The following DCC variants were observed in gnomAD, a reference collection of about 807,000 sequenced individuals.
The protein encoded by DCC is netrin receptor DCC.
In DCC, 58 loss-of-function variants were observed where a neutral mutation model predicts 172.5. That is an observed-to-expected ratio of 0.34 (90% CI 0.27 to 0.42). The LOEUF (loss-of-function observed/expected upper bound fraction) is 0.42. Ranked by LOEUF, DCC falls within the 10% of genes least tolerant of loss-of-function variation. The pLI, the probability that DCC is intolerant of heterozygous loss-of-function variation, is 1.00. For missense variants in DCC, 1,740 were observed against 1,791.0 expected (o/e 0.97, Z 0.51); for synonymous variants, 709 against 644.5 (o/e 1.10, Z -1.52).
chr18:53,076,458 C>A (rs974797549), intron 7 of DCC, among the ~76,000 whole-genome samples: 1 of 152,176 alleles, frequency 6.6e-6, no homozygotes, highest in Non-Finnish European at 1.5e-5. Context: ...AGCCTGGCTC[C>A]TTAATTCCAC....
intron 1 of DCC, among the ~76,000 whole-genome samples, chr18:52,543,423 T>C (rs2032521595): frequency 6.6e-6 from 1 of 152,220 alleles, no homozygotes; most frequent in Admixed American, 6.5e-5. Flanking sequence ...CATAGCTACT[T>C]GTGTCTAATT....
At chr18:52,503,553 A>G (rs16955105) in intron 1 of DCC, among the ~76,000 whole-genome samples, 8,717 of 152,198 alleles carry the variant, frequency 0.057, 306 homozygotes, top group South Asian at 0.12. Context: ...AGTTCAGCAT[A>G]TTTTGTGTTC....
chr18:53,362,113 TAC>T (rs2057954270), intron 15 of DCC, among the ~76,000 whole-genome samples: 1 of 152,194 alleles, frequency 6.6e-6, no homozygotes, highest in South Asian at 2.1e-4. Flanking sequence ...TCTCAACTGT[TAC>T]TTTCTATTTT....
Position 52,835,739 on chromosome 18 carries a change from A to C in DCC, c.413-70305A>C, listed in dbSNP as rs916883168. ...ATTTCCATTCCTTTAAATGAATTCAAAACTGATTTTTAATGAAAATGATTC... is the reference window on the plus strand; with the variant it reads ...ATTTCCATTCCTTTAAATGAATTCACAACTGATTTTTAATGAAAATGATTC... On this transcript the variant is annotated intron_variant, in intron 2 of 28. Coordinates refer to ENST00000442544, the MANE Select transcript of DCC (RefSeq NM_005215.4). Among the ~76,000 whole-genome samples the C allele has an allele frequency of 2.6e-5, 4 of 152,236 alleles. No homozygotes were observed. The East Asian group carries it at 7.7e-4, about 29-fold the overall frequency.
At chr18:52,862,720 A>C (rs1026167240) in intron 2 of DCC, among the ~76,000 whole-genome samples, 4 of 152,056 alleles carry the variant, frequency 2.6e-5, no homozygotes, top group Non-Finnish European at 5.9e-5. Context: ...ATAACTAAAA[A>C]AATTAAAAAA....
chr18:53,387,466 T>C (rs1908242449), intron 16 of DCC, among the ~76,000 whole-genome samples: 1 of 152,238 alleles, frequency 6.6e-6, no homozygotes, highest in Admixed American at 6.5e-5. Context: ...GGAGACAGTA[T>C]ATATCATTCA....
chr18:52,441,268 G>A (rs1372782835), intron 1 of DCC, among the ~76,000 whole-genome samples: 1 of 152,096 alleles, frequency 6.6e-6, no homozygotes, highest in African/African-American at 2.4e-5. Context: ...GAGACTAACA[G>A]GAGGCAGGAA....
At chr18:52,559,221 C>G (rs575669012) in intron 1 of DCC, among the ~76,000 whole-genome samples, 1 of 152,260 alleles carries the variant, frequency 6.6e-6, no homozygotes, top group Non-Finnish European at 1.5e-5. Flanking sequence ...AAGCAATTCT[C>G]CTGCCTCAAC....
intron 14 of DCC, 78 bp from the exon 15 acceptor site, chr18:53,339,635 C>A: frequency 9.3e-7 from 1 of 1,080,646 alleles, no homozygotes; most frequent in African/African-American, 1.5e-5. Context: ...AATATGATTT[C>A]TCTTGCTTAA....
At chr18:52,693,480 T>C (rs1165011153) in intron 1 of DCC, among the ~76,000 whole-genome samples, 1 of 148,476 alleles carries the variant, frequency 6.7e-6, no homozygotes, top group African/African-American at 2.4e-5. Flanking sequence ...ATATATAATA[T>C]AATATAATAT....
intron 7 of DCC, among the ~76,000 whole-genome samples, chr18:53,129,513 T>C (rs932859596): frequency 2.0e-5 from 3 of 152,126 alleles, no homozygotes; most frequent in East Asian, 3.9e-4. Context: ...ACATACACCA[T>C]TGTCTGATTT....
chr18:53,255,077 C>T (rs1047063872), intron 12 of DCC, among the ~76,000 whole-genome samples: 1 of 151,954 alleles, frequency 6.6e-6, no homozygotes, highest in African/African-American at 2.4e-5. Flanking sequence ...AAGTGCTTTC[C>T]TGTTGACACC....
chr18:52,576,518 G>C (rs940086856), intron 1 of DCC, among the ~76,000 whole-genome samples: 1 of 152,106 alleles, frequency 6.6e-6, no homozygotes, highest in East Asian at 1.9e-4. Flanking sequence ...ACTACCTCTG[G>C]TTCATTCCTA....
At chr18:52,356,991 G>T (rs1984395623) in intron 1 of DCC, among the ~76,000 whole-genome samples, 1 of 152,042 alleles carries the variant, frequency 6.6e-6, no homozygotes, top group Non-Finnish European at 1.5e-5. Context: ...CACCATGTTG[G>T]CCAGGCTGGT....
chr18:52,995,164 CAA>C (rs1424601020), intron 5 of DCC, among the ~76,000 whole-genome samples: 1 of 152,078 alleles, frequency 6.6e-6, no homozygotes, highest in African/African-American at 2.4e-5. Context: ...TTTAAGAAAA[CAA>C]ATGCCTCTGT....
intron 9 of DCC, among the ~76,000 whole-genome samples, chr18:53,199,641 G>C (rs2055504864): frequency 6.6e-6 from 1 of 151,320 alleles, no homozygotes; most frequent in South Asian, 2.1e-4. Context: ...AAATCAAAGG[G>C]AAAATATTAG....
At chr18:52,671,466 A>G (rs1363377403) in intron 1 of DCC, among the ~76,000 whole-genome samples, 1 of 150,302 alleles carries the variant, frequency 6.7e-6, no homozygotes, top group Non-Finnish European at 1.5e-5. Context: ...CAGATGATGT[A>G]GTTTTCTATC....
intron 11 of DCC, among the ~76,000 whole-genome samples, chr18:53,209,758 TAA>T (rs2144563891): frequency 6.6e-6 from 1 of 152,282 alleles, no homozygotes; most frequent in South Asian, 2.1e-4. Context: ...CTTATAATTA[TAA>T]AAATAAAAGA....
chr18:53,154,036 A>G (rs1266198652), intron 7 of DCC, among the ~76,000 whole-genome samples: 2 of 152,206 alleles, frequency 1.3e-5, no homozygotes, highest in Non-Finnish European at 2.9e-5. Flanking sequence ...CTCTGCCCGA[A>G]GGTATTTTCT....
Sources: allele counts gnomAD v4.1 joint callset (sites outside exome capture counted in the v4.1 genomes callset), GRCh38; gene constraint gnomAD v4.1.1; transcripts MANE v1.5; gene names NCBI Gene and HGNC (gene_info 2026-07-23, HGNC 2026-07-21).